Variants in FNBP4 observed in about 807,000 individuals in gnomAD.
FNBP4 encodes the protein formin-binding protein 4.
Under a neutral mutation model 119.3 loss-of-function variants are expected in FNBP4, and 34 were observed. That is an observed-to-expected ratio of 0.28 (90% CI 0.22 to 0.38). FNBP4 has a LOEUF of 0.38. Ranked by LOEUF, FNBP4 falls within the 10% of genes least tolerant of loss-of-function variation. FNBP4 has a pLI of 1.00. For synonymous variants in FNBP4, 462 were observed against 430.6 expected (o/e 1.07, Z -0.90); for missense variants, 1,112 against 1,228.9 (o/e 0.90, Z 1.42).
intron 12 of FNBP4, 104 bp downstream of exon 12, chr11:47,731,270 G>A (rs2097567063): frequency 8.7e-7 from 1 of 1,144,580 alleles, no homozygotes; most frequent in East Asian, 2.7e-5. Context: ...TTCTCAATCA[G>A]AAGCTTATAT....
chr11:47,747,595 C>T (rs1302811797), intron 6 of FNBP4, among the ~76,000 whole-genome samples: 1 of 152,166 alleles, frequency 6.6e-6, no homozygotes, highest in Non-Finnish European at 1.5e-5. Context: ...GCGTGAGCCA[C>T]CATGCTGGGC....
At chr11:47,741,512 T>C (rs1485660471) in intron 8 of FNBP4, among the ~76,000 whole-genome samples, 1 of 151,744 alleles carries the variant, frequency 6.6e-6, no homozygotes, top group Non-Finnish European at 1.5e-5. Context: ...CTGCTTAGTA[T>C]TCCTTTCTAA....
At chr11:47,754,110 CTGT>C (rs1473761062) in intron 3 of FNBP4, among the ~76,000 whole-genome samples, 6 of 151,796 alleles carry the variant, frequency 4.0e-5, no homozygotes, top group African/African-American at 1.5e-4. Flanking sequence ...GTGCACATAC[CTGT>C]AGCCTCAGCT....
chr11:47,750,726 AAAAAAG>A (rs1372318009), intron 6 of FNBP4, among the ~76,000 whole-genome samples, 184 bp downstream of exon 6: 6 of 149,902 alleles, frequency 4.0e-5, no homozygotes, highest in African/African-American at 1.5e-4. Context: ...AAGAAAAAAG[AAAAAAG>A]AAAAAGTCAA....
intron 8 of FNBP4, among the ~76,000 whole-genome samples, chr11:47,743,415 G>A (rs1057206441): frequency 3.3e-5 from 5 of 151,922 alleles, no homozygotes; most frequent in East Asian, 1.9e-4. Flanking sequence ...TCTGGGAGGC[G>A]GAGGTTGCAG....
At chr11:47,764,563 G>A (rs1252630207) in intron 2 of FNBP4, among the ~76,000 whole-genome samples, 2 of 150,692 alleles carry the variant, frequency 1.3e-5, no homozygotes, top group Non-Finnish European at 3.0e-5. Context: ...GAGGAGAGAG[G>A]AATAAGCATC....
chr11:47,731,309 T>C, intron 12 of FNBP4, 65 bp downstream of exon 12: 2 of 1,436,692 alleles, frequency 1.4e-6, no homozygotes, highest in Non-Finnish European at 1.9e-6. Flanking sequence ...TTTAATAATG[T>C]AAATTAATAA....
chr11:47,744,384 C>T (rs2097586391), intron 7 of FNBP4, among the ~76,000 whole-genome samples: 1 of 151,762 alleles, frequency 6.6e-6, no homozygotes, highest in Non-Finnish European at 1.5e-5. Flanking sequence ...AGCAATCCTC[C>T]CACCTCACCC....
At chr11:47,762,701 T>G (rs1368178499) in intron 2 of FNBP4, among the ~76,000 whole-genome samples, 1 of 150,416 alleles carries the variant, frequency 6.6e-6, no homozygotes, top group Non-Finnish European at 1.5e-5. Flanking sequence ...TTACTTGAAG[T>G]CAGGAGTTCC....
At chr11:47,765,414 G>GAAAAT in intron 1 of FNBP4, 52 bp from the exon 2 acceptor site, 1 of 1,276,736 alleles carries the variant, frequency 7.8e-7, no homozygotes, top group African/African-American at 1.6e-5. Flanking sequence ...GAAAAGAAAA[G>GAAAAT]AAAACTGCAG....
At position 47,723,242 on chromosome 11, in the gene FNBP4, C is replaced by T. The variant is rs762396248; in HGVS notation, c.2539G>A (p.Ala847Thr). Residue 847 changes from alanine (A) to threonine (T), a missense_variant, in exon 15 of 17, where the codon GCA becomes ACA. This residue lies in a region of FNBP4 where 826 missense variants were observed against 988.8 expected (regional missense o/e 0.84). Coordinates refer to ENST00000263773, the MANE Select transcript of FNBP4 (RefSeq NM_015308.5). Reference sequence around the variant, plus strand: ...CCTCTGGCCTGATGACCCATTCCTGCTGCTGGAAGGCTAACTGGTATTGTC... The same window carrying T: ...CCTCTGGCCTGATGACCCATTCCTGTTGCTGGAAGGCTAACTGGTATTGTC... ...HQTIPVSLPA[A>T]GMGHQARGMS... The T allele has an allele frequency of 3.1e-6, 5 of 1,614,114 alleles. No homozygotes were observed. In the East Asian group the frequency reaches 1.1e-4, roughly 36 times the overall value.
At chr11:47,730,947 TA>T (rs2097566676) in intron 12 of FNBP4, among the ~76,000 whole-genome samples, 1 of 152,172 alleles carries the variant, frequency 6.6e-6, no homozygotes. Flanking sequence ...ACGCTTTTTG[TA>T]AGATTAGTGG....
intron 16 of FNBP4, among the ~76,000 whole-genome samples, chr11:47,718,214 G>GT (rs199670123): frequency 0.057 from 8,490 of 150,122 alleles, 320 homozygotes; most frequent in Non-Finnish European, 0.087. Context: ...GGGATCTAAT[G>GT]TTTTTTTTTC....
intron 3 of FNBP4, 65 bp downstream of exon 3, chr11:47,754,463 C>T (rs1211394997): frequency 1.3e-6 from 2 of 1,543,632 alleles, no homozygotes; most frequent in East Asian, 2.3e-5. Context: ...AGTACGCTGA[C>T]CACTTAAGAT....
At chr11:47,733,095 G>A (rs1322619565) in intron 10 of FNBP4, among the ~76,000 whole-genome samples, 1 of 152,220 alleles carries the variant, frequency 6.6e-6, no homozygotes, top group Non-Finnish European at 1.5e-5. Context: ...TCCAGCCTGG[G>A]CGACAAGAGT....
At chr11:47,738,994 G>A (rs923813308) in intron 8 of FNBP4, among the ~76,000 whole-genome samples, 79 of 150,898 alleles carry the variant, frequency 5.2e-4, no homozygotes, top group African/African-American at 1.6e-3. Flanking sequence ...TGTGAGGCAC[G>A]GCGCCTGGCT....
At chr11:47,740,599 G>GT (rs36005884) in intron 8 of FNBP4, among the ~76,000 whole-genome samples, 9 of 148,412 alleles carry the variant, frequency 6.1e-5, no homozygotes, top group Admixed American at 5.4e-4. Context: ...ATATGTATTT[G>GT]TTTTTTTTTT....
chr11:47,751,621 T>G (rs1277126569), intron 4 of FNBP4, among the ~76,000 whole-genome samples: 1 of 152,114 alleles, frequency 6.6e-6, no homozygotes, highest in Admixed American at 6.6e-5. Context: ...TTTCTCAATA[T>G]CTAACATTTA....
chr11:47,765,967 T>C (rs1198913161), intron 1 of FNBP4, among the ~76,000 whole-genome samples: 1 of 147,208 alleles, frequency 6.8e-6, no homozygotes, highest in African/African-American at 2.5e-5. Context: ...ATTACAGGCA[T>C]GAGTCACCGT....
Sources: gnomAD v4.1 joint callset for allele counts (sites outside exome capture counted in the v4.1 genomes callset) on GRCh38, gnomAD v4.1.1 for gene constraint, gnomAD v4.1.1 regional missense constraint, MANE v1.5 for transcripts, NCBI Gene and HGNC (gene_info 2026-07-23, HGNC 2026-07-21) for gene names.